Variants in PCDH15 observed in about 807,000 individuals in gnomAD.
PCDH15 encodes the protein protocadherin related 15, also known as protocadherin-15.
Under a neutral mutation model 178.5 loss-of-function variants are expected in PCDH15, and 129 were observed. The ratio of observed to expected loss-of-function variants is 0.72; its 90% CI spans 0.63 to 0.84. PCDH15 has a LOEUF of 0.84. Ranked by LOEUF, PCDH15 falls within the 40% of genes least tolerant of loss-of-function variation. PCDH15 has a pLI of 0.00. For synonymous variants in PCDH15, 800 were observed against 732.0 expected, an observed-to-expected ratio of 1.09 and a Z score of -1.50; for missense variants, 2,230 against 2,099.9, an observed-to-expected ratio of 1.06 and a Z score of -1.21.
chr10:55,008,144 A>C (rs1367333767), intron 2 of PCDH15, among the ~76,000 whole-genome samples: 1 of 152,154 alleles, frequency 6.6e-6, no homozygotes, highest in East Asian at 1.9e-4. Flanking sequence ...CAAAATGCCT[A>C]AAGTTGCAAA....
At chr10:54,914,267 G>C (rs1254062960) in intron 2 of PCDH15, among the ~76,000 whole-genome samples, 1 of 152,104 alleles carries the variant, frequency 6.6e-6, no homozygotes, top group East Asian at 1.9e-4. Context: ...GATAGGGAGT[G>C]AGTTATCATG....
At chr10:54,305,147 C>A (rs2060386284) in intron 8 of PCDH15, among the ~76,000 whole-genome samples, 1 of 151,988 alleles carries the variant, frequency 6.6e-6, no homozygotes, top group African/African-American at 2.4e-5. Context: ...GAATTCTAAA[C>A]CATCTTTTAG....
chr10:54,252,422 C>T lies in PCDH15; in HGVS notation c.877-15491G>A, dbSNP rs532011701. Among the ~76,000 whole-genome samples the T allele has an allele frequency of 6.6e-5, 10 of 152,300 alleles. No individual in the cohort carries two copies. In the East Asian group the frequency reaches 1.7e-3, roughly 26 times the overall value. On this transcript the variant is annotated intron_variant, in intron 8 of 37. Coordinates refer to ENST00000644397, the MANE Select transcript of PCDH15 (RefSeq NM_001384140.1). ...AAAACTATGTTTTCAAAGATTGATA[C>T]TTCGAGGCAAAGCCTTCTCCTCTAA...
chr10:54,742,980 T>A (rs1945000829), intron 1 of PCDH15, among the ~76,000 whole-genome samples: 1 of 152,034 alleles, frequency 6.6e-6, no homozygotes, highest in Non-Finnish European at 1.5e-5. Context: ...TACAAACTGG[T>A]CTTTATCTAA....
At chr10:54,533,077 C>A (rs2084100935) in intron 2 of PCDH15, among the ~76,000 whole-genome samples, 1 of 152,094 alleles carries the variant, frequency 6.6e-6, no homozygotes, top group African/African-American at 2.4e-5. Flanking sequence ...TTTGATTAAT[C>A]TTTCTTAAAT....
intron 3 of PCDH15, among the ~76,000 whole-genome samples, chr10:54,855,762 A>T (rs1439747654): frequency 1.3e-5 from 2 of 152,188 alleles, no homozygotes; most frequent in African/African-American, 4.8e-5. Context: ...ATTAATGTGA[A>T]TTTTTAACCA....
At chr10:54,174,239 AAG>A (rs2047193561) in intron 13 of PCDH15, among the ~76,000 whole-genome samples, 1 of 152,294 alleles carries the variant, frequency 6.6e-6, no homozygotes, top group African/African-American at 2.4e-5. Flanking sequence ...GTGGCAGTGA[AAG>A]AAAAATTAAG....
At chr10:55,464,648 ATATATATGTG>A (rs1839790906) in intron 2 of PCDH15, among the ~76,000 whole-genome samples, 1 of 13,190 alleles carries the variant, frequency 7.6e-5, no homozygotes, top group African/African-American at 2.5e-3. Context: ...ATATATATAT[ATATATATGTG>A]TGTGTGTGTG....
chr10:54,183,202 C>T (rs1455172943), intron 13 of PCDH15, among the ~76,000 whole-genome samples: 1 of 152,170 alleles, frequency 6.6e-6, no homozygotes, highest in Non-Finnish European at 1.5e-5. Flanking sequence ...AACTCCCGAC[C>T]TCAGGTGATC....
Position 54,336,452 on chromosome 10 carries a change from C to T in PCDH15, c.595-6746G>A, listed in dbSNP as rs544648372. Reference sequence around the variant, plus strand: ...GGGCCAGGTCCTGGACCCCCCTTTCCGTGTGCAGCCTAGGAACTCGGTGCC... The same window carrying T: ...GGGCCAGGTCCTGGACCCCCCTTTCTGTGTGCAGCCTAGGAACTCGGTGCC... On this transcript the variant is annotated intron_variant, in intron 6 of 37. Coordinates refer to ENST00000644397, the MANE Select transcript of PCDH15 (RefSeq NM_001384140.1). Among the ~76,000 whole-genome samples the T allele has an allele frequency of 1.5e-4, 23 of 152,270 alleles. 1 individual carries two copies. The South Asian group carries it at 3.9e-3, about 26-fold the overall frequency.
intron 2 of PCDH15, among the ~76,000 whole-genome samples, chr10:54,563,780 G>A (rs1343877130): frequency 1.3e-5 from 2 of 151,984 alleles, no homozygotes; most frequent in African/African-American, 2.4e-5. Flanking sequence ...GTATATTGTG[G>A]TAATAAGAAA....
intron 2 of PCDH15, among the ~76,000 whole-genome samples, chr10:54,588,318 A>G (rs1460513856): frequency 3.3e-5 from 5 of 152,200 alleles, no homozygotes; most frequent in Non-Finnish European, 7.3e-5. Flanking sequence ...TGCCAATAAT[A>G]TAATAGTAAT....
At chr10:55,442,484 T>TATATATATATATATTATATATATATA (rs1839217842) in intron 2 of PCDH15, among the ~76,000 whole-genome samples, 26 of 123,066 alleles carry the variant, frequency 2.1e-4, no homozygotes, top group African/African-American at 6.8e-4. Context: ...ATATATATTA[T>TATATATATATATATTATATATATATA]ATATATATAT....
rs149610605 is a variant in PCDH15 at position 54,429,274 on chromosome 10, A to G, written c.158-50332T>C. On this transcript the variant is annotated intron_variant, in intron 3 of 37. Transcript: ENST00000644397. ...GTAAAATTGTCATCAGTCTGAAATA[A>G]TGGTTTGTAAGATAATATTTGCAAG... Among the ~76,000 whole-genome samples the G allele has an allele frequency of 3.3e-4, 51 of 152,284 alleles. 1 individual carries two copies. In the East Asian group the frequency reaches 9.8e-3, roughly 29 times the overall value.
At chr10:55,149,463 C>G (rs1272630010) in intron 2 of PCDH15, among the ~76,000 whole-genome samples, 3 of 151,836 alleles carry the variant, frequency 2.0e-5, no homozygotes, top group African/African-American at 7.2e-5. Flanking sequence ...AAAGTAAAAT[C>G]GTTTTATGCA....
At chr10:54,195,064 G>C (rs1308656938) in intron 11 of PCDH15, among the ~76,000 whole-genome samples, 1 of 152,160 alleles carries the variant, frequency 6.6e-6, no homozygotes, top group Non-Finnish European at 1.5e-5. Flanking sequence ...GGCTAGCCTG[G>C]TATAGATTTT....
intron 1 of PCDH15, among the ~76,000 whole-genome samples, chr10:55,236,623 C>T (rs957695955): frequency 6.6e-6 from 1 of 151,930 alleles, no homozygotes. Context: ...AGTTACAATT[C>T]TACATTTTAA....
At chr10:54,857,278 C>T (rs1026287299) in intron 3 of PCDH15, among the ~76,000 whole-genome samples, 1 of 152,120 alleles carries the variant, frequency 6.6e-6, no homozygotes, top group Non-Finnish European at 1.5e-5. Flanking sequence ...TAAATATAAA[C>T]TAATTCTAAC....
chr10:54,943,464 T>C (rs1013322889), intron 2 of PCDH15, among the ~76,000 whole-genome samples: 19 of 151,978 alleles, frequency 1.3e-4, no homozygotes, highest in African/African-American at 4.3e-4. Flanking sequence ...GGCAAAATTG[T>C]GGCTCAGAAT....
Sources: allele counts gnomAD v4.1 joint callset (sites outside exome capture counted in the v4.1 genomes callset), GRCh38; gene constraint gnomAD v4.1.1; transcripts MANE v1.5; gene names NCBI Gene and HGNC (gene_info 2026-07-23, HGNC 2026-07-21).